KCNB2: variants seen among roughly 807,000 people sequenced by gnomAD.
KCNB2 encodes the protein delayed rectifier potassium channel protein.
In KCNB2, 15 loss-of-function variants were observed where a neutral mutation model predicts 61.5. That is an observed-to-expected ratio of 0.24 (90% CI 0.16 to 0.38). KCNB2 has a LOEUF of 0.38. Among genes scored for constraint, KCNB2 ranks in the 10% least tolerant of loss-of-function variants. The probability of loss-of-function intolerance (pLI) is 1.00; values close to 1 mark genes in which losing one functional copy is unlikely to be tolerated. For synonymous variants in KCNB2, 457 were observed against 446.0 expected (o/e 1.02, Z -0.31); for missense variants, 828 against 1,125.2 (o/e 0.74, Z 3.78).
chr8:72,607,780 A>G (rs1485883133), intron 2 of KCNB2, among the ~76,000 whole-genome samples: 1 of 152,226 alleles, frequency 6.6e-6, no homozygotes, highest in Non-Finnish European at 1.5e-5. Context: ...ATATGCACTT[A>G]ATTTAGGACT....
intron 2 of KCNB2, among the ~76,000 whole-genome samples, chr8:72,741,011 G>A (rs1000384187): frequency 9.9e-5 from 15 of 152,148 alleles, no homozygotes; most frequent in Non-Finnish European, 2.9e-5. Context: ...TTTTCAAACT[G>A]TGAACTGAAA....
At chr8:72,631,603 G>A (rs1805883409) in intron 2 of KCNB2, among the ~76,000 whole-genome samples, 1 of 152,148 alleles carries the variant, frequency 6.6e-6, no homozygotes. Flanking sequence ...ACATTCTCAG[G>A]TACAGGGGTT....
At chr8:72,924,668 A>T (rs1341377821) in intron 2 of KCNB2, among the ~76,000 whole-genome samples, 6 of 152,220 alleles carry the variant, frequency 3.9e-5, no homozygotes, top group Non-Finnish European at 7.3e-5. Context: ...TCTCTGCCCA[A>T]TAAACACCTC....
intron 2 of KCNB2, among the ~76,000 whole-genome samples, chr8:72,931,173 C>T (rs1806775311): frequency 6.6e-6 from 1 of 152,076 alleles, no homozygotes; most frequent in African/African-American, 2.4e-5. Context: ...GTTTTGGTAC[C>T]AGTACCATGC....
intron 2 of KCNB2, among the ~76,000 whole-genome samples, chr8:72,648,291 G>T (rs138311376): frequency 6.6e-6 from 1 of 152,296 alleles, no homozygotes; most frequent in East Asian, 1.9e-4. Flanking sequence ...TGAGAATCAT[G>T]AGTGAGTTTT....
intron 2 of KCNB2, among the ~76,000 whole-genome samples, chr8:72,635,097 C>T (rs1318257650): frequency 2.0e-5 from 3 of 152,136 alleles, no homozygotes; most frequent in Non-Finnish European, 4.4e-5. Flanking sequence ...GAGCTAATTC[C>T]TCAGTAATGC....
Position 72,605,419 on chromosome 8 carries a change from A to G in KCNB2, c.579+37106A>G, listed in dbSNP as rs569036587. ...TGTGTCATTACTACCAGTCTGAGAC[A>G]TGAAGATTTTTAACTACGGGGAAAA... On this transcript the variant is annotated intron_variant, in intron 2 of 2. Coordinates refer to ENST00000523207, the MANE Select transcript of KCNB2 (RefSeq NM_004770.3). Among the ~76,000 whole-genome samples, 360 of 152,336 alleles carry G rather than the reference A, an allele frequency of 2.4e-3. 1 individual carries two copies. Among genetic ancestry groups the G allele is most frequent in the African/African-American group, 8.4e-3 (349 of 41,590 alleles).
Position 72,624,595 on chromosome 8 carries a change from G to A in KCNB2, c.579+56282G>A, listed in dbSNP as rs940177125. On this transcript the variant is annotated intron_variant, in intron 2 of 2. Transcript: ENST00000523207. Reference sequence around the variant, plus strand: ...AATTGAATAATGGACTCAAAATTTAGATTAACCCTACCTGATCACACTAAC... The same window carrying A: ...AATTGAATAATGGACTCAAAATTTAAATTAACCCTACCTGATCACACTAAC... 2.6e-4 allele frequency among the ~76,000 whole-genome samples: 39 copies of A among 152,076 alleles called. 1 individual carries two copies. The highest frequency in any genetic ancestry group is 2.3e-3 in the Admixed American group (35 of 15,272).
Position 72,861,905 on chromosome 8 carries a change from C to T in KCNB2, c.580-74030C>T, listed in dbSNP as rs974137961. 5.9e-5 allele frequency among the ~76,000 whole-genome samples: 9 copies of T among 152,212 alleles called. No homozygotes were observed. In the South Asian group the frequency reaches 1.0e-3, roughly 18 times the overall value. ...TTGTTACCAAGGCCAGGTGCAGTGG[C>T]GCACACCTGTAATCTCAACACTCTT... is the stretch of plus-strand genomic sequence containing the variant. On this transcript the variant is annotated intron_variant, in intron 2 of 2. Coordinates refer to ENST00000523207, the MANE Select transcript of KCNB2 (RefSeq NM_004770.3).
intron 2 of KCNB2, among the ~76,000 whole-genome samples, chr8:72,634,532 T>C (rs1408833420): frequency 6.6e-6 from 1 of 152,164 alleles, no homozygotes; most frequent in Non-Finnish European, 1.5e-5. Context: ...CAAAGGGTTA[T>C]TTTTTTCACA....
In KCNB2 at chr8:72,701,189, A is replaced by T. The variant is rs144979752; in HGVS notation, c.579+132876A>T. Reference sequence around the variant, plus strand: ...CTTAGCATCACACAGTATACCCATGAAATATACCTGCACAAGTACCCCCTG... The same window carrying T: ...CTTAGCATCACACAGTATACCCATGTAATATACCTGCACAAGTACCCCCTG... On this transcript the variant is annotated intron_variant, in intron 2 of 2. Coordinates refer to ENST00000523207, the MANE Select transcript of KCNB2 (RefSeq NM_004770.3). 2.1e-3 allele frequency among the ~76,000 whole-genome samples: 321 copies of T among 152,244 alleles called. 3 individuals are homozygous for T. Among genetic ancestry groups the T allele is most frequent in the African/African-American group, 7.3e-3 (302 of 41,550 alleles).
intron 2 of KCNB2, among the ~76,000 whole-genome samples, chr8:72,723,374 TA>T (rs1342243684): frequency 6.6e-6 from 1 of 152,218 alleles, no homozygotes; most frequent in Admixed American, 6.5e-5. Flanking sequence ...TAATAGTCAC[TA>T]AAAAACTACA....
intron 2 of KCNB2, among the ~76,000 whole-genome samples, chr8:72,710,166 A>C (rs1807302553): frequency 6.6e-6 from 1 of 152,106 alleles, no homozygotes; most frequent in African/African-American, 2.4e-5. Flanking sequence ...ATAAGGAATA[A>C]ATTTTCAACC....
At chr8:72,632,760 A>G (rs891459125) in intron 2 of KCNB2, among the ~76,000 whole-genome samples, 1 of 152,164 alleles carries the variant, frequency 6.6e-6, no homozygotes, top group Non-Finnish European at 1.5e-5. Flanking sequence ...TCCATCGACA[A>G]AATTAACTGC....
intron 1 of KCNB2, among the ~76,000 whole-genome samples, chr8:72,542,431 T>C (rs1041801730): frequency 4.6e-5 from 7 of 152,126 alleles, no homozygotes; most frequent in Non-Finnish European, 8.8e-5. Context: ...AAATAGTACT[T>C]TAAATGATGT....
At chr8:72,840,822 G>A (rs1809869691) in intron 2 of KCNB2, among the ~76,000 whole-genome samples, 2 of 152,220 alleles carry the variant, frequency 1.3e-5, no homozygotes, top group Admixed American at 1.3e-4. Flanking sequence ...CAGATGGATA[G>A]ATTGCAAAAA....
chr8:72,807,393 G>GACCAC (rs1809242309), intron 2 of KCNB2, among the ~76,000 whole-genome samples: 1 of 152,146 alleles, frequency 6.6e-6, no homozygotes, highest in Non-Finnish European at 1.5e-5. Context: ...TTGTAAACTT[G>GACCAC]ACCACCCTGC....
chr8:72,722,784 C>G (rs1027673200), intron 2 of KCNB2, among the ~76,000 whole-genome samples: 1 of 115,302 alleles, frequency 8.7e-6, no homozygotes, highest in Non-Finnish European at 2.1e-5. Context: ...AATCTATTGA[C>G]AAAATCAACT....
At chr8:72,781,410 T>C (rs1269748661) in intron 2 of KCNB2, among the ~76,000 whole-genome samples, 1 of 152,162 alleles carries the variant, frequency 6.6e-6, no homozygotes, top group Non-Finnish European at 1.5e-5. Flanking sequence ...AAGGAAGGGG[T>C]CCAGTTTCAA....
Sources: gnomAD v4.1 joint callset for allele counts (sites outside exome capture counted in the v4.1 genomes callset) on GRCh38, gnomAD v4.1.1 for gene constraint, MANE v1.5 for transcripts, NCBI Gene and HGNC (gene_info 2026-07-23, HGNC 2026-07-21) for gene names.